MBOAT2: variants seen among roughly 807,000 people sequenced by gnomAD.
The protein encoded by MBOAT2 is membrane-bound glycerophospholipid O-acyltransferase 2.
Under a neutral mutation model 63.4 loss-of-function variants are expected in MBOAT2, and 28 were observed. The observed-to-expected ratio is 0.44, with a 90% CI of 0.33 to 0.61. The LOEUF (loss-of-function observed/expected upper bound fraction) is 0.61. MBOAT2 is among the 20% of genes least tolerant of loss of function. The probability of loss-of-function intolerance (pLI) is 0.03; values close to 1 mark genes in which losing one functional copy is unlikely to be tolerated. For missense variants in MBOAT2, 470 were observed against 605.8 expected (o/e 0.78, Z 2.35); for synonymous variants, 211 against 215.6 (o/e 0.98, Z 0.19).
intron 1 of MBOAT2, among the ~76,000 whole-genome samples, chr2:8,987,758 G>A (rs1671667193): frequency 6.6e-6 from 1 of 152,118 alleles, no homozygotes; most frequent in African/African-American, 2.4e-5. Flanking sequence ...TCACAACGTG[G>A]TGGCTGCGTT....
At chr2:8,944,160 G>A (rs923180094) in intron 2 of MBOAT2, among the ~76,000 whole-genome samples, 15 of 152,172 alleles carry the variant, frequency 9.9e-5, no homozygotes, top group Non-Finnish European at 1.5e-4. Context: ...ACCGTGGCCA[G>A]CCCATGACAT....
At chr2:8,893,105 G>A (rs1375289755) in intron 4 of MBOAT2, among the ~76,000 whole-genome samples, 2 of 140,172 alleles carry the variant, frequency 1.4e-5, no homozygotes, top group Non-Finnish European at 3.1e-5. Flanking sequence ...TGGGGGAGGA[G>A]GCAGGGGAGG....
At chr2:8,968,976 C>T (rs911042595) in intron 1 of MBOAT2, among the ~76,000 whole-genome samples, 10 of 152,314 alleles carry the variant, frequency 6.6e-5, no homozygotes, top group African/African-American at 1.9e-4. Context: ...TCCAGAAGAA[C>T]TTCCCCAACC....
chr2:8,863,478 C>T (rs778591100), intron 10 of MBOAT2, among the ~76,000 whole-genome samples: 15 of 152,128 alleles, frequency 9.9e-5, no homozygotes, highest in Non-Finnish European at 1.6e-4. Flanking sequence ...CTCTGTCCTT[C>T]GCACCTGTTA....
rs1044010838 is a variant in MBOAT2 at position 8,988,464 on chromosome 2, T to C, written c.75+15076A>G. On this transcript the variant is annotated intron_variant, in intron 1 of 12. Coordinates refer to ENST00000305997, the MANE Select transcript of MBOAT2 (RefSeq NM_138799.4). ...CTATTGTATCAGTTTAAATATGTTT[T>C]ATTACAAAAATACAATACTATAACT... is the stretch of plus-strand genomic sequence containing the variant. Among the ~76,000 whole-genome samples, 7 of 152,326 alleles carry C rather than the reference T, an allele frequency of 4.6e-5. No individual in the cohort carries two copies. The East Asian group carries it at 9.6e-4, about 21-fold the overall frequency.
intron 1 of MBOAT2, among the ~76,000 whole-genome samples, chr2:8,997,218 T>C (rs1420432193): frequency 1.3e-5 from 2 of 152,236 alleles, no homozygotes; most frequent in African/African-American, 2.4e-5. Context: ...AGTGCTATCA[T>C]TGTAGAGTCC....
chr2:8,952,713 C>T (rs1390873468), intron 2 of MBOAT2, among the ~76,000 whole-genome samples: 1 of 148,920 alleles, frequency 6.7e-6, no homozygotes, highest in Non-Finnish European at 1.5e-5. Context: ...TGATTTTATG[C>T]ATGTAGGTTT....
At chr2:8,937,490 G>C (rs1667749812) in intron 3 of MBOAT2, among the ~76,000 whole-genome samples, 1 of 152,176 alleles carries the variant, frequency 6.6e-6, no homozygotes, top group Non-Finnish European at 1.5e-5. Flanking sequence ...CTATCATTAA[G>C]AACTGAGATA....
In MBOAT2 at chr2:8,862,284, C is replaced by T; in HGVS notation, c.1185+306G>A. On this transcript the variant is annotated intron_variant, in intron 11 of 12. Coordinates refer to ENST00000305997, the MANE Select transcript of MBOAT2 (RefSeq NM_138799.4). This position sits in a 1 kb window ranked among gnomAD's most constrained non-coding sequence, Gnocchi z 4.3. ...AAATAAACCTACCCATTCTGATCAT[C>T]TTTATTTAACTCAGTTTTTATCTCT... 7.6e-7 allele frequency: 1 copy of T among 1,319,248 alleles called. No individual in the cohort carries two copies. Among genetic ancestry groups the T allele is most frequent in the Non-Finnish European group, 9.9e-7 (1 of 1,009,738 alleles). 81.7% of individuals were successfully genotyped at this position (1,319,248 alleles called of 1,614,324 possible). A position where few individuals can be genotyped will look rare whatever the true frequency, so the allele number is the denominator to read the frequency against.
chr2:8,994,100 T>C (rs1415843586), intron 1 of MBOAT2, among the ~76,000 whole-genome samples: 1 of 152,210 alleles, frequency 6.6e-6, no homozygotes, highest in Non-Finnish European at 1.5e-5. Flanking sequence ...AGCCAGTCTA[T>C]GCTTTCATCA....
chr2:8,953,622 T>C (rs1039190315), intron 2 of MBOAT2, among the ~76,000 whole-genome samples: 24 of 152,338 alleles, frequency 1.6e-4, no homozygotes, highest in African/African-American at 4.8e-4. Flanking sequence ...TTCCTGAAGA[T>C]TTTGTTCATT....
chr2:8,878,252 T>C (rs1208080310), intron 6 of MBOAT2, among the ~76,000 whole-genome samples: 5 of 152,068 alleles, frequency 3.3e-5, no homozygotes, highest in Non-Finnish European at 7.4e-5. Context: ...TGAAAATGGG[T>C]AGTTAACACA....
chr2:8,900,172 A>T (rs912264178), intron 4 of MBOAT2, among the ~76,000 whole-genome samples: 2 of 151,650 alleles, frequency 1.3e-5, no homozygotes, highest in African/African-American at 2.4e-5. Context: ...GATGTTTACG[A>T]CTCCAGTCCC....
At chr2:8,963,309 A>AT (rs1205530413) in intron 1 of MBOAT2, among the ~76,000 whole-genome samples, 6 of 151,134 alleles carry the variant, frequency 4.0e-5, no homozygotes, top group South Asian at 2.1e-4. Flanking sequence ...AAAGAAACTA[A>AT]TTTTTTTTTC....
At chr2:8,878,310 G>A (rs1251702983) in intron 6 of MBOAT2, among the ~76,000 whole-genome samples, 1 of 152,130 alleles carries the variant, frequency 6.6e-6, no homozygotes, top group Non-Finnish European at 1.5e-5. Flanking sequence ...AATAAGGAGT[G>A]TATTTAAAAA....
chr2:8,946,601 G>T (rs1668430039), intron 2 of MBOAT2, among the ~76,000 whole-genome samples: 1 of 152,142 alleles, frequency 6.6e-6, no homozygotes. Context: ...CACGTGCTGA[G>T]ACTTCATGTC....
chr2:8,872,277 A>G (rs534333146), intron 8 of MBOAT2, among the ~76,000 whole-genome samples: 8 of 152,248 alleles, frequency 5.3e-5, no homozygotes, highest in South Asian at 4.1e-4. Flanking sequence ...GAGACTACCT[A>G]GGGGTTATTG....
intron 1 of MBOAT2, among the ~76,000 whole-genome samples, chr2:8,959,731 G>A (rs1346322002): frequency 6.6e-6 from 1 of 152,030 alleles, no homozygotes; most frequent in Admixed American, 6.6e-5. Flanking sequence ...CCAAAGTGCT[G>A]GGATAATAGG....
At chr2:8,911,990 CA>C (rs1281829915) in intron 3 of MBOAT2, among the ~76,000 whole-genome samples, 1 of 151,974 alleles carries the variant, frequency 6.6e-6, no homozygotes, top group Non-Finnish European at 1.5e-5. Context: ...AAACAAAAAT[CA>C]CATGATATCT....
Sources: allele counts gnomAD v4.1 joint callset (sites outside exome capture counted in the v4.1 genomes callset), GRCh38; gene constraint gnomAD v4.1.1; non-coding constraint Gnocchi (gnomAD v3.1); transcripts MANE v1.5; gene names NCBI Gene and HGNC (gene_info 2026-07-23, HGNC 2026-07-21).